CSMD1: variants seen among roughly 807,000 people sequenced by gnomAD.
CSMD1 encodes CUB and sushi domain-containing protein 1.
Under a neutral mutation model 417.5 loss-of-function variants are expected in CSMD1, and 213 were observed. The observed-to-expected ratio is 0.51, with a 90% CI of 0.46 to 0.57. The LOEUF is 0.57. Among genes scored for constraint, CSMD1 ranks in the 20% least tolerant of loss-of-function variants. CSMD1 has a pLI of 0.00. For synonymous variants in CSMD1, 2,862 were observed against 1,736.8 expected (o/e 1.65, Z -16.11); for missense variants, 6,923 against 4,529.7 (o/e 1.53, Z -15.17).
At chr8:4,384,759 A>G (rs1055263538) in intron 3 of CSMD1, among the ~76,000 whole-genome samples, 2 of 152,178 alleles carry the variant, frequency 1.3e-5, no homozygotes, top group African/African-American at 4.8e-5. Flanking sequence ...CACATCAGCA[A>G]TTCCTACCGG....
chr8:4,822,487 G>C (rs1462297931), intron 1 of CSMD1, among the ~76,000 whole-genome samples: 3 of 152,058 alleles, frequency 2.0e-5, no homozygotes, highest in Non-Finnish European at 2.9e-5. Flanking sequence ...TAACCCGATG[G>C]AGATGTTTCT....
At chr8:3,945,827 G>A (rs1346054329) in intron 5 of CSMD1, among the ~76,000 whole-genome samples, 6 of 152,040 alleles carry the variant, frequency 3.9e-5, no homozygotes, top group Non-Finnish European at 8.8e-5. Context: ...ACATGAGGTA[G>A]TATAAAAGGT....
rs1160903729 is a variant in CSMD1, at chr8:2,936,039, C to T, written c.*2546G>A. The T allele has an allele frequency of 1.3e-5, 2 of 152,172 alleles. No individual in the cohort carries two copies. The highest frequency in any genetic ancestry group is 2.9e-5 in the Non-Finnish European group (2 of 68,050). 9.4% of individuals were successfully genotyped at this position (152,172 alleles called of 1,614,324 possible). On this transcript the variant is annotated 3_prime_UTR_variant, in exon 70 of 70. Coordinates refer to ENST00000635120, the MANE Select transcript of CSMD1 (RefSeq NM_033225.6). ...CTGACTGCCCTAAAATGAGATCCTC[C>T]AACACCTTGCGGAGACGCCGTTCAA...
intron 1 of CSMD1, among the ~76,000 whole-genome samples, chr8:4,916,721 G>A (rs750067347): frequency 1.9e-4 from 29 of 152,138 alleles, no homozygotes; most frequent in Non-Finnish European, 2.9e-4. Flanking sequence ...CATAACTATT[G>A]TGATATCGCA....
chr8:3,046,570 C>A (rs1292860718), intron 50 of CSMD1, among the ~76,000 whole-genome samples: 1 of 152,188 alleles, frequency 6.6e-6, no homozygotes, highest in Non-Finnish European at 1.5e-5. Flanking sequence ...TATGTACAGG[C>A]TGCTGGAATG....
At chr8:4,391,342 G>A (rs762705774) in intron 3 of CSMD1, among the ~76,000 whole-genome samples, 11 of 152,136 alleles carry the variant, frequency 7.2e-5, no homozygotes, top group Admixed American at 1.3e-4. Flanking sequence ...CCTTGACTGA[G>A]CTGAGCTATG....
intron 50 of CSMD1, among the ~76,000 whole-genome samples, chr8:3,033,204 C>A (rs1199551432): frequency 3.3e-5 from 5 of 152,070 alleles, no homozygotes; most frequent in African/African-American, 1.2e-4. Flanking sequence ...TGTGACCACA[C>A]ATTTTCACAG....
At chr8:3,093,331 C>T (rs1187274938) in intron 47 of CSMD1, among the ~76,000 whole-genome samples, 2 of 152,052 alleles carry the variant, frequency 1.3e-5, no homozygotes, top group African/African-American at 4.8e-5. Context: ...CCTTCTGACC[C>T]CTTCCGCTTA....
chr8:3,539,880 G>A (rs1376209054), intron 10 of CSMD1, among the ~76,000 whole-genome samples: 4 of 152,078 alleles, frequency 2.6e-5, no homozygotes, highest in Admixed American at 2.6e-4. Flanking sequence ...AACGAACTTA[G>A]AAAACGGCTT....
At chr8:3,220,642 C>G (rs1056438923) in intron 28 of CSMD1, among the ~76,000 whole-genome samples, 1 of 152,020 alleles carries the variant, frequency 6.6e-6, no homozygotes, top group South Asian at 2.1e-4. Context: ...AACAGCCTGG[C>G]CAATATGGTG....
At chr8:3,523,794 C>T (rs1226197901) in intron 10 of CSMD1, among the ~76,000 whole-genome samples, 1 of 150,628 alleles carries the variant, frequency 6.6e-6, no homozygotes, top group Non-Finnish European at 1.5e-5. Context: ...GAGACATATG[C>T]ACACATGTGC....
chr8:4,311,129 C>T (rs1798538930), intron 3 of CSMD1, among the ~76,000 whole-genome samples: 1 of 152,142 alleles, frequency 6.6e-6, no homozygotes, highest in Non-Finnish European at 1.5e-5. Context: ...TGCCACTCAA[C>T]CCAGCAATAC....
intron 26 of CSMD1, among the ~76,000 whole-genome samples, chr8:3,277,691 C>T (rs1229756197): frequency 2.0e-5 from 3 of 152,174 alleles, no homozygotes; most frequent in African/African-American, 7.2e-5. Flanking sequence ...TGAGTTGCCT[C>T]TCTGCATCTC....
chr8:4,235,067 A>G (rs1439019000), intron 3 of CSMD1, among the ~76,000 whole-genome samples: 1 of 152,166 alleles, frequency 6.6e-6, no homozygotes, highest in Non-Finnish European at 1.5e-5. Flanking sequence ...CATTCCATCC[A>G]TAGGAGTCCC....
intron 5 of CSMD1, among the ~76,000 whole-genome samples, chr8:3,796,374 ATG>A (rs1563089559): frequency 1.2e-4 from 7 of 60,060 alleles, no homozygotes; most frequent in Non-Finnish European, 2.3e-4. Context: ...GATATCTATC[ATG>A]TATATATATA....
At chr8:3,513,477 T>G (rs1439764891) in intron 10 of CSMD1, among the ~76,000 whole-genome samples, 1 of 152,014 alleles carries the variant, frequency 6.6e-6, no homozygotes. Flanking sequence ...AGGCCTGTTG[T>G]GGGATCTCAC....
At chr8:4,650,136 G>C (rs960583738) in intron 1 of CSMD1, among the ~76,000 whole-genome samples, 4 of 152,018 alleles carry the variant, frequency 2.6e-5, no homozygotes, top group African/African-American at 7.2e-5. Flanking sequence ...ACGAGGTCAG[G>C]AGATCGAGAC....
At chr8:4,137,517 T>C (rs1368590034) in intron 3 of CSMD1, among the ~76,000 whole-genome samples, 1 of 132,186 alleles carries the variant, frequency 7.6e-6, no homozygotes, top group African/African-American at 2.5e-5. Flanking sequence ...AAAAATATTA[T>C]GGTAGTGTTT....
chr8:4,235,417 G>A (rs17069671), intron 3 of CSMD1, among the ~76,000 whole-genome samples: 3,841 of 150,932 alleles, frequency 0.025, 169 homozygotes, highest in African/African-American at 0.087. Flanking sequence ...CACACCTAAT[G>A]CTCTAAAGGC....
Sources: gnomAD v4.1 joint callset for allele counts (sites outside exome capture counted in the v4.1 genomes callset) on GRCh38, gnomAD v4.1.1 for gene constraint, MANE v1.5 for transcripts, NCBI Gene and HGNC (gene_info 2026-07-23, HGNC 2026-07-21) for gene names.